TEX264: variants seen among roughly 807,000 people sequenced by gnomAD.
TEX264 encodes the protein testis-expressed protein 264.
Under a neutral mutation model 23.4 loss-of-function variants are expected in TEX264, and 13 were observed. The observed-to-expected ratio is 0.56, with a 90% CI of 0.36 to 0.88. The LOEUF (loss-of-function observed/expected upper bound fraction) is 0.88. Among genes scored for constraint, TEX264 ranks in the 40% least tolerant of loss-of-function variants. The pLI is 0.01. For missense variants in TEX264, 340 were observed against 406.8 expected, an observed-to-expected ratio of 0.84 and a Z score of 1.41; for synonymous variants, 159 against 170.0, an observed-to-expected ratio of 0.94 and a Z score of 0.50.
At chr3:51,679,976 G>A (rs929143481) in intron 2 of TEX264, among the ~76,000 whole-genome samples, 2 of 152,172 alleles carry the variant, frequency 1.3e-5, no homozygotes. Context: ...ACCTAGGAGG[G>A]CAAACGAGGT....
At chr3:51,687,056 T>A (rs1228988964) in intron 3 of TEX264, among the ~76,000 whole-genome samples, 1 of 152,164 alleles carries the variant, frequency 6.6e-6, no homozygotes, top group African/African-American at 2.4e-5. Flanking sequence ...CCCGCTCCCA[T>A]GGGAGCCTGT....
Position 51,693,810 on chromosome 3 carries a change from T to G in TEX264, c.481-5596T>G, listed in dbSNP as rs567871433. On this transcript the variant is annotated intron_variant, in intron 3 of 4. Transcript: ENST00000341333. ...TATGTTTTCTACTTGGCTGATCTGT[T>G]GCACAGAAAAATGGGCTGTGCTTGA... is the stretch of plus-strand genomic sequence containing the variant. Among the ~76,000 whole-genome samples the G allele has an allele frequency of 2.0e-5, 3 of 152,260 alleles. No homozygotes were observed. The South Asian group carries it at 6.2e-4, about 32-fold the overall frequency.
In TEX264 at chr3:51,703,660, C is replaced by T; in HGVS notation, c.650-64C>T. The T allele has an allele frequency of 6.6e-7, 1 of 1,505,572 alleles. No homozygotes were observed. Among genetic ancestry groups the T allele is most frequent in the Admixed American group, 2.0e-5 (1 of 48,812 alleles). The allele number at this position is 1,505,572 out of a possible 1,614,324, so 93.3% of individuals were successfully genotyped here. ...CATGAGTGCACTGCGTGCTGAGTTG[C>T]CTCTCCCTGGAGGAGGGGGTGGGGT... On this transcript the variant is annotated intron_variant, in intron 4 of 4. Transcript: ENST00000341333. The surrounding 1 kb of genome is among the most constrained non-coding windows in gnomAD (Gnocchi z 4.8).
At chr3:51,684,696 G>C in intron 3 of TEX264, 62 bp downstream of exon 3, 1 of 1,542,020 alleles carries the variant, frequency 6.5e-7, no homozygotes, top group Non-Finnish European at 8.9e-7. Flanking sequence ...TGGAGCTGAG[G>C]AGGACTGCCT....
chr3:51,700,262 C>T (rs1703242569), intron 4 of TEX264, among the ~76,000 whole-genome samples: 1 of 152,124 alleles, frequency 6.6e-6, no homozygotes, highest in Admixed American at 6.5e-5. Flanking sequence ...TCCCAGGGGG[C>T]CTTATCCTTG....
In TEX264 at chr3:51,684,644, AG is replaced by A. The variant is rs953784233; in HGVS notation, c.480+12del. 3.1e-6 allele frequency: 5 copies of A among 1,613,488 alleles called. No individual in the cohort carries two copies. The African/African-American group carries it at 6.7e-5, about 22-fold the overall frequency. ...GGACACCTACATCAAGGTGAGGCAC[AG>A]GCCTGGGGTGTGTGTGTTGGGGACA... is the stretch of plus-strand genomic sequence containing the variant. On this transcript the variant is annotated intron_variant, in intron 3 of 4. Coordinates refer to ENST00000341333, the MANE Select transcript of TEX264 (RefSeq NM_015926.6).
intron 3 of TEX264, among the ~76,000 whole-genome samples, chr3:51,690,890 G>C (rs560245988): frequency 6.6e-6 from 1 of 152,196 alleles, no homozygotes; most frequent in Non-Finnish European, 1.5e-5. Context: ...GGGATGGAGC[G>C]GTAGCTGAGT....
At chr3:51,689,049 G>T (rs1002829066) in intron 3 of TEX264, among the ~76,000 whole-genome samples, 1 of 152,010 alleles carries the variant, frequency 6.6e-6, no homozygotes, top group South Asian at 2.1e-4. Flanking sequence ...AGCCTGGGAG[G>T]TCAAGGCTGC....
At chr3:51,694,005 TC>T (rs1420927926) in intron 3 of TEX264, among the ~76,000 whole-genome samples, 2 of 117,996 alleles carry the variant, frequency 1.7e-5, no homozygotes, top group Non-Finnish European at 1.7e-5. Flanking sequence ...CTTCCTTCCT[TC>T]CTTCCTTCCT....
At chr3:51,679,210 A>G (rs1158385062) in intron 2 of TEX264, among the ~76,000 whole-genome samples, 1 of 152,188 alleles carries the variant, frequency 6.6e-6, no homozygotes, top group Non-Finnish European at 1.5e-5. Context: ...CATCTGTCAC[A>G]TGAGGATAAA....
At chr3:51,695,309 G>A (rs973889417) in intron 3 of TEX264, among the ~76,000 whole-genome samples, 110 of 152,192 alleles carry the variant, frequency 7.2e-4, no homozygotes, top group African/African-American at 2.5e-3. Context: ...GATGTGACCC[G>A]TCCTTGGCCC....
chr3:51,693,824 G>A (rs1702920719), intron 3 of TEX264, among the ~76,000 whole-genome samples: 1 of 152,100 alleles, frequency 6.6e-6, no homozygotes, highest in Non-Finnish European at 1.5e-5. Flanking sequence ...CAGAAAAATG[G>A]GCTGTGCTTG....
chr3:51,693,090 C>G (rs1278148448), intron 3 of TEX264, among the ~76,000 whole-genome samples: 2 of 152,246 alleles, frequency 1.3e-5, no homozygotes, highest in African/African-American at 2.4e-5. Flanking sequence ...TTCCCCACCC[C>G]TCAATACCCC....
In TEX264 at chr3:51,703,502, C is replaced by T. The variant is rs565924412; in HGVS notation, c.650-222C>T. Among the ~76,000 whole-genome samples the T allele has an allele frequency of 2.0e-5, 3 of 150,878 alleles. No homozygotes were observed. The South Asian group carries it at 6.2e-4, about 31-fold the overall frequency. ...GCACAGCTGCCTCCTCCCACCCTCTCTCCCTCCCTCCCTCCTTCCCTCCCT... is the reference window on the plus strand; with the variant it reads ...GCACAGCTGCCTCCTCCCACCCTCTTTCCCTCCCTCCCTCCTTCCCTCCCT... On this transcript the variant is annotated intron_variant, in intron 4 of 4. Transcript: ENST00000341333. The surrounding 1 kb of genome is among the most constrained non-coding windows in gnomAD (Gnocchi z 4.8).
intron 1 of TEX264, among the ~76,000 whole-genome samples, chr3:51,673,443 C>G (rs191946872): frequency 3.3e-5 from 5 of 152,308 alleles, no homozygotes; most frequent in Non-Finnish European, 7.4e-5. Flanking sequence ...GCTTCTTTTC[C>G]TCTTAGGGAT....
At chr3:51,699,762 A>AGGG (rs1703217103) in intron 4 of TEX264, among the ~76,000 whole-genome samples, 188 bp downstream of exon 4, 1 of 152,120 alleles carries the variant, frequency 6.6e-6, no homozygotes, top group Admixed American at 6.5e-5. Context: ...TCCCAGACAC[A>AGGG]TGGATCTACA....
At position 51,686,166 on chromosome 3, in the gene TEX264, G is replaced by A. The variant is rs1431469376; in HGVS notation, c.480+1532G>A. Among the ~76,000 whole-genome samples the A allele has an allele frequency of 6.6e-6, 1 of 152,162 alleles. No individual in the cohort carries two copies. The highest frequency in any genetic ancestry group is 2.4e-5 in the African/African-American group (1 of 41,430). ...AAGGCTGGGCTGGTGGATATATTTG[G>A]GGACATCAGCCTGTTGGCAGTATTT... On this transcript the variant is annotated intron_variant, in intron 3 of 4. Transcript: ENST00000341333. The surrounding 1 kb of genome is among the most constrained non-coding windows in gnomAD (Gnocchi z 4.1).
At chr3:51,690,251 G>A (rs767390438) in intron 3 of TEX264, among the ~76,000 whole-genome samples, 1 of 152,202 alleles carries the variant, frequency 6.6e-6, no homozygotes, top group Admixed American at 6.5e-5. Flanking sequence ...AGGTGAGGAC[G>A]CCACGTGTGG....
chr3:51,684,603 G>T lies in TEX264; in HGVS notation c.449G>T (p.Arg150Leu), dbSNP rs745803321. Residue 150 changes from arginine to leucine, a missense_variant, in exon 3 of 5, where the codon CGT becomes CTT. Physicochemically the swap from Arg to Leu is moderately radical, Grantham distance 102. Transcript: ENST00000341333. ...TILSIWLATR[R>L]VHPALDTYIK... is the part of the protein sequence containing the mutation. ...CTGTCCATCTGGCTGGCTACCCGCC[G>T]TGTCCATCCTGCCTTGGACACCTAC... 1 of 1,614,200 alleles carries T rather than the reference G, an allele frequency of 6.2e-7. No homozygotes were observed. Among genetic ancestry groups the T allele is most frequent in the South Asian group, 1.1e-5 (1 of 91,090 alleles).
Sources: allele counts gnomAD v4.1 joint callset (sites outside exome capture counted in the v4.1 genomes callset), GRCh38; gene constraint gnomAD v4.1.1; non-coding constraint Gnocchi (gnomAD v3.1); transcripts MANE v1.5; gene names NCBI Gene and HGNC (gene_info 2026-07-23, HGNC 2026-07-21).